CHST13: variants seen among roughly 807,000 people sequenced by gnomAD.
CHST13 encodes the protein carbohydrate sulfotransferase 13.
Under a neutral mutation model 7.0 loss-of-function variants are expected in CHST13, and 1 was observed. The ratio of observed to expected loss-of-function variants is 0.14; its 90% CI spans 0.05 to 0.68. The LOEUF is 0.68. CHST13 is among the 30% of genes least tolerant of loss of function. CHST13 has a pLI of 0.82. For synonymous variants in CHST13, 257 were observed against 240.9 expected (o/e 1.07, Z -0.62); for missense variants, 572 against 507.9 (o/e 1.13, Z -1.21).
chr3:126,542,398 C>T lies in CHST13; in HGVS notation c.846C>T (p.Gly282=). Residue 282 remains glycine, a synonymous_variant, in exon 3 of 3, where the codon GGC becomes GGT. Coordinates refer to ENST00000319340, the MANE Select transcript of CHST13 (RefSeq NM_152889.3). ...EDAAFVLGLA[G]ASDLSFPGPP... The stretch of plus-strand genomic sequence containing the variant: ...CGGCCTTCGTGCTGGGCCTGGCGGG[C>T]GCATCCGACCTGAGCTTCCCTGGGC... 6.4e-7 allele frequency: 1 copy of T among 1,551,006 alleles called. No individual in the cohort carries two copies. Among genetic ancestry groups the T allele is most frequent in the Non-Finnish European group, 8.7e-7 (1 of 1,151,522 alleles).
rs1936999599 is a variant in CHST13 at position 126,542,760 on chromosome 3, C to T, written c.*182C>T. ...CTTGGGGGCAGCCCATCTCAGGTGGCCCTGCACGCGTGTGCCTGCCTCGGC... is the reference window on the plus strand; with the variant it reads ...CTTGGGGGCAGCCCATCTCAGGTGGTCCTGCACGCGTGTGCCTGCCTCGGC... On this transcript the variant is annotated 3_prime_UTR_variant, in exon 3 of 3. Transcript: ENST00000319340. 1 of 910,734 alleles carries T rather than the reference C, an allele frequency of 1.1e-6. No homozygotes were observed. The highest frequency in any genetic ancestry group is 1.5e-6 in the Non-Finnish European group (1 of 672,948). 56.4% of individuals were successfully genotyped at this position (910,734 alleles called of 1,614,324 possible). A position where few individuals can be genotyped will look rare whatever the true frequency, so the allele number is the denominator to read the frequency against.
At chr3:126,539,004 C>T (rs1342647163) in intron 2 of CHST13, among the ~76,000 whole-genome samples, 1 of 152,176 alleles carries the variant, frequency 6.6e-6, no homozygotes, top group Non-Finnish European at 1.5e-5. Context: ...CAGACATGCT[C>T]TAGGCGTGTA....
At chr3:126,539,959 CCA>C (rs926386588) in intron 2 of CHST13, among the ~76,000 whole-genome samples, 7 of 32,908 alleles carry the variant, frequency 2.1e-4, no homozygotes, top group South Asian at 1.2e-3. Context: ...GCCACACATG[CCA>C]CACACACACA....
At chr3:126,527,099 C>G (rs1370310903) in intron 1 of CHST13, 2 of 152,344 alleles carry the variant, frequency 1.3e-5, no homozygotes, top group Non-Finnish European at 2.9e-5. Context: ...CCCCCTTCCC[C>G]TATTCCACTC....
At chr3:126,540,177 G>T (rs143813856) in intron 2 of CHST13, among the ~76,000 whole-genome samples, 16 of 152,034 alleles carry the variant, frequency 1.1e-4, no homozygotes, top group Non-Finnish European at 2.4e-4. Flanking sequence ...TCCAAAGGCC[G>T]CTTTGGCCTC....
rs1188150461 is a variant in CHST13, at chr3:126,542,155, T to C, written c.603T>C (p.Gly201=). 2.6e-6 allele frequency: 4 copies of C among 1,527,106 alleles called. No individual in the cohort carries two copies. Among genetic ancestry groups the C allele is most frequent in the East Asian group, 2.5e-5 (1 of 39,282 alleles). The allele number at this position is 1,527,106 out of a possible 1,614,324, so 94.6% of individuals were successfully genotyped here. A position where few individuals can be genotyped will look rare whatever the true frequency, so the allele number is the denominator to read the frequency against. Residue 201 remains glycine, a synonymous_variant, in exon 3 of 3, where the codon GGT becomes GGC. Transcript: ENST00000319340. ...PYSAAFQRRY[G]ARIVQRLRPR... is the part of the protein sequence containing the mutation. ...GCGCCGCCTTCCAGAGGCGCTACGGTGCACGCATCGTTCAGCGCCTGCGGC... is the reference window on the plus strand; with the variant it reads ...GCGCCGCCTTCCAGAGGCGCTACGGCGCACGCATCGTTCAGCGCCTGCGGC...
At chr3:126,535,323 CAG>C (rs1936758345) in intron 1 of CHST13, among the ~76,000 whole-genome samples, 1 of 147,018 alleles carries the variant, frequency 6.8e-6, no homozygotes, top group South Asian at 2.2e-4. Context: ...AGCCAGGAGA[CAG>C]ACAGACAGCA....
chr3:126,524,205 C>A lies in CHST13; in HGVS notation c.-128C>A. The A allele has an allele frequency of 1.5e-6, 1 of 660,992 alleles. No individual in the cohort carries two copies. The highest frequency in any genetic ancestry group is 2.1e-6 in the Non-Finnish European group (1 of 480,082). The allele number at this position is 660,992 out of a possible 1,614,324, so 40.9% of individuals were successfully genotyped here. A position where few individuals can be genotyped will look rare whatever the true frequency, so the allele number is the denominator to read the frequency against. ...GTGGGGCTGGGGTCCAGCTGCCGTG[C>A]TCCCCTGCCCTGCGCCGCGCCGCGC... is the stretch of plus-strand genomic sequence containing the variant. On this transcript the variant is annotated 5_prime_UTR_variant, in exon 1 of 3. Coordinates refer to ENST00000319340, the MANE Select transcript of CHST13 (RefSeq NM_152889.3).
intron 1 of CHST13, 95 bp downstream of exon 1, chr3:126,524,524 C>T (rs1936498967): frequency 7.5e-6 from 3 of 398,410 alleles, no homozygotes; most frequent in Non-Finnish European, 1.3e-5. Flanking sequence ...CGGGGGACAC[C>T]TGTTGTCTCC....
rs777280426 is a variant in CHST13, at chr3:126,536,359, T to C, written c.180+6T>C. 6.2e-7 allele frequency: 1 copy of C among 1,611,510 alleles called. No individual in the cohort carries two copies. Among genetic ancestry groups the C allele is most frequent in the African/African-American group, 1.3e-5 (1 of 74,924 alleles). ...AGCTCTATGACCTGGATCAGGTAGG[T>C]GGACAGACCCTCGACCCAGGCATGC... On this transcript the variant is annotated splice_donor_region_variant and intron_variant, in intron 2 of 2. Transcript: ENST00000319340.
Position 126,542,758 on chromosome 3 carries a change from G to A in CHST13, c.*180G>A. ...GGCTTGGGGGCAGCCCATCTCAGGT[G>A]GCCCTGCACGCGTGTGCCTGCCTCG... is the stretch of plus-strand genomic sequence containing the variant. On this transcript the variant is annotated 3_prime_UTR_variant, in exon 3 of 3. Transcript: ENST00000319340. 1.1e-6 allele frequency: 1 copy of A among 918,322 alleles called. No homozygotes were observed. Among genetic ancestry groups the A allele is most frequent in the South Asian group, 2.9e-5 (1 of 34,748 alleles). The allele number at this position is 918,322 out of a possible 1,614,324, so 56.9% of individuals were successfully genotyped here.
In CHST13 at chr3:126,524,206, TC is replaced by T. The variant is rs1936488906; in HGVS notation, c.-123del. 3 of 668,530 alleles carry T rather than the reference TC, an allele frequency of 4.5e-6. No homozygotes were observed. Among genetic ancestry groups the T allele is most frequent in the African/African-American group, 1.9e-5 (1 of 52,630 alleles). 41.4% of individuals were successfully genotyped at this position (668,530 alleles called of 1,614,324 possible). A position where few individuals can be genotyped will look rare whatever the true frequency, so the allele number is the denominator to read the frequency against. On this transcript the variant is annotated 5_prime_UTR_variant, in exon 1 of 3. Transcript: ENST00000319340. ...TGGGGCTGGGGTCCAGCTGCCGTGC[TC>T]CCCTGCCCTGCGCCGCGCCGCGCGT...
chr3:126,536,165 T>C, intron 1 of CHST13, 106 bp from the exon 2 acceptor site: 1 of 857,150 alleles, frequency 1.2e-6, no homozygotes, highest in South Asian at 1.6e-5. Flanking sequence ...GGAAGGAAAT[T>C]GAGTGCCAGA....
At chr3:126,540,026 C>T (rs1170837308) in intron 2 of CHST13, among the ~76,000 whole-genome samples, 3 of 149,344 alleles carry the variant, frequency 2.0e-5, no homozygotes, top group Non-Finnish European at 3.0e-5. Context: ...ATGCCACACA[C>T]ACGCACACCA....
At position 126,542,160 on chromosome 3, in the gene CHST13, G is replaced by A. The variant is rs773063481; in HGVS notation, c.608G>A (p.Arg203His). ...SAAFQRRYGARIVQRLRPRAL... is the reference protein window; with the variant it reads ...SAAFQRRYGAHIVQRLRPRAL... Reference sequence around the variant, plus strand: ...GCCTTCCAGAGGCGCTACGGTGCACGCATCGTTCAGCGCCTGCGGCCGCGC... The same window carrying A: ...GCCTTCCAGAGGCGCTACGGTGCACACATCGTTCAGCGCCTGCGGCCGCGC... Residue 203 changes from arginine to histidine, a missense_variant, in exon 3 of 3, where the codon CGC becomes CAC. Physicochemically the swap from Arg to His is conservative, Grantham distance 29 (BLOSUM62 0). Coordinates refer to ENST00000319340, the MANE Select transcript of CHST13 (RefSeq NM_152889.3). 4.0e-6 allele frequency: 6 copies of A among 1,514,746 alleles called. No individual in the cohort carries two copies. Among genetic ancestry groups the A allele is most frequent in the Non-Finnish European group, 5.3e-6 (6 of 1,138,594 alleles). The allele number at this position is 1,514,746 out of a possible 1,614,324, so 93.8% of individuals were successfully genotyped here.
chr3:126,537,306 AGAGG>A (rs1359826967), intron 2 of CHST13, among the ~76,000 whole-genome samples: 1 of 152,192 alleles, frequency 6.6e-6, no homozygotes, highest in Non-Finnish European at 1.5e-5. Context: ...GGAGGACAGG[AGAGG>A]GAGCACAAGG....
intron 2 of CHST13, among the ~76,000 whole-genome samples, chr3:126,541,291 T>G (rs1205320653): frequency 6.6e-6 from 1 of 152,180 alleles, no homozygotes; most frequent in Non-Finnish European, 1.5e-5. Context: ...AGCCCATTTA[T>G]TATTGAGCCA....
chr3:126,539,761 A>T, intron 2 of CHST13, among the ~76,000 whole-genome samples: 3 of 69,898 alleles, frequency 4.3e-5, no homozygotes, highest in South Asian at 1.0e-3. Context: ...CACACTCCAC[A>T]CCACACACAC....
At chr3:126,528,666 G>C (rs1936584008) in intron 1 of CHST13, among the ~76,000 whole-genome samples, 1 of 152,162 alleles carries the variant, frequency 6.6e-6, no homozygotes, top group South Asian at 2.1e-4. Context: ...GGGTTCTGGA[G>C]GCACAGCCGA....
Sources: gnomAD v4.1 joint callset for allele counts (sites outside exome capture counted in the v4.1 genomes callset) on GRCh38, gnomAD v4.1.1 for gene constraint, MANE v1.5 for transcripts, NCBI Gene and HGNC (gene_info 2026-07-23, HGNC 2026-07-21) for gene names.